RAB3C: variants seen among roughly 807,000 people sequenced by gnomAD.
RAB3C encodes ras-related protein Rab-3C.
In RAB3C, 17 loss-of-function variants were observed where a neutral mutation model predicts 26.4. The observed-to-expected ratio is 0.64, with a 90% CI of 0.44 to 0.97. The LOEUF is 0.97. RAB3C is among the 50% of genes least tolerant of loss of function. The pLI, the probability that RAB3C is intolerant of heterozygous loss-of-function variation, is 0.00. For missense variants in RAB3C, 242 were observed against 281.9 expected (o/e 0.86, Z 1.01); for synonymous variants, 91 against 95.9 (o/e 0.95, Z 0.30).
At chr5:58,613,728 A>G (rs1490651590) in intron 1 of RAB3C, among the ~76,000 whole-genome samples, 1 of 152,148 alleles carries the variant, frequency 6.6e-6, no homozygotes, top group Non-Finnish European at 1.5e-5. Context: ...GTAGGTAAAT[A>G]TCTAGAATAT....
chr5:58,812,390 C>T (rs1171144960), intron 3 of RAB3C, among the ~76,000 whole-genome samples: 1 of 152,166 alleles, frequency 6.6e-6, no homozygotes, highest in Non-Finnish European at 1.5e-5. Flanking sequence ...CCTCCTGAAT[C>T]AGATGATCTA....
intron 2 of RAB3C, among the ~76,000 whole-genome samples, chr5:58,721,215 A>G (rs1740749618): frequency 6.6e-6 from 1 of 151,094 alleles, no homozygotes; most frequent in South Asian, 2.1e-4. Flanking sequence ...TAGGAAATCA[A>G]AATATTTAAG....
At chr5:58,832,954 T>C (rs892987590) in intron 4 of RAB3C, among the ~76,000 whole-genome samples, 1 of 152,124 alleles carries the variant, frequency 6.6e-6, no homozygotes, top group Non-Finnish European at 1.5e-5. Context: ...ATTCCAGAAA[T>C]TAGGGTGTTT....
At chr5:58,760,829 C>T (rs973978976) in intron 3 of RAB3C, among the ~76,000 whole-genome samples, 1 of 152,120 alleles carries the variant, frequency 6.6e-6, no homozygotes, top group South Asian at 2.1e-4. Flanking sequence ...GTCAGGAACA[C>T]GTGTGTCTAA....
intron 3 of RAB3C, among the ~76,000 whole-genome samples, chr5:58,741,020 G>C (rs1741262306): frequency 6.6e-6 from 1 of 152,038 alleles, no homozygotes; most frequent in South Asian, 2.1e-4. Context: ...CCCCTTTTAG[G>C]TTTGATAATC....
At chr5:58,583,342 G>A (rs1016170339) in intron 1 of RAB3C, 110 bp downstream of exon 1, 2 of 1,568,102 alleles carry the variant, frequency 1.3e-6, no homozygotes, top group Non-Finnish European at 1.7e-6. Flanking sequence ...GGTCACCCGC[G>A]GAGATGCGGC....
chr5:58,676,212 C>T (rs1748222038), intron 2 of RAB3C, among the ~76,000 whole-genome samples: 2 of 152,094 alleles, frequency 1.3e-5, no homozygotes, highest in Non-Finnish European at 1.5e-5. Context: ...CTCTAAAGAA[C>T]CTATAGCTGG....
chr5:58,758,146 G>A (rs1460107573), intron 3 of RAB3C, among the ~76,000 whole-genome samples: 3 of 151,998 alleles, frequency 2.0e-5, no homozygotes, highest in African/African-American at 4.8e-5. Flanking sequence ...GGGTTTCACT[G>A]TGTTAGTCAG....
intron 3 of RAB3C, among the ~76,000 whole-genome samples, chr5:58,804,926 C>T (rs1412384478): frequency 1.3e-5 from 2 of 150,868 alleles, no homozygotes; most frequent in African/African-American, 4.9e-5. Context: ...ATCCATTGAC[C>T]TATACTGAAT....
intron 3 of RAB3C, among the ~76,000 whole-genome samples, chr5:58,795,202 T>G (rs547503932): frequency 6.6e-6 from 1 of 152,334 alleles, no homozygotes; most frequent in Non-Finnish European, 1.5e-5. Flanking sequence ...GCTCCTCCTT[T>G]GCCTTTTGCC....
intron 1 of RAB3C, among the ~76,000 whole-genome samples, chr5:58,603,239 C>G (rs185976307): frequency 8.5e-5 from 13 of 152,256 alleles, no homozygotes; most frequent in African/African-American, 2.4e-4. Context: ...TCTCACAGCT[C>G]TTAAGATTCT....
At chr5:58,823,130 A>T (rs998354628) in intron 3 of RAB3C, 1 of 418,100 alleles carries the variant, frequency 2.4e-6, no homozygotes, top group Non-Finnish European at 4.6e-6. Flanking sequence ...TGCAGATTAC[A>T]TGCATTACCT....
intron 3 of RAB3C, among the ~76,000 whole-genome samples, chr5:58,753,806 A>AG (rs1741585980): frequency 1.3e-5 from 2 of 152,218 alleles, no homozygotes; most frequent in Non-Finnish European, 2.9e-5. Flanking sequence ...TGGCTGTCTC[A>AG]GGGCAGACGG....
At chr5:58,781,699 C>A (rs999527606) in intron 3 of RAB3C, among the ~76,000 whole-genome samples, 1 of 152,010 alleles carries the variant, frequency 6.6e-6, no homozygotes, top group Non-Finnish European at 1.5e-5. Flanking sequence ...TAGGTTTAAA[C>A]CCTTAGCATG....
intron 1 of RAB3C, among the ~76,000 whole-genome samples, chr5:58,591,575 G>A (rs1746127295): frequency 7.4e-6 from 1 of 135,888 alleles, no homozygotes; most frequent in Non-Finnish European, 1.6e-5. Context: ...CTTCTTAATA[G>A]TATTTTCATA....
intron 3 of RAB3C, among the ~76,000 whole-genome samples, chr5:58,764,968 GTTA>G (rs1380981750): frequency 6.6e-6 from 1 of 151,984 alleles, no homozygotes; most frequent in African/African-American, 2.4e-5. Context: ...GCATATGATA[GTTA>G]TTATTTTCAG....
intron 3 of RAB3C, among the ~76,000 whole-genome samples, chr5:58,760,875 A>C (rs1741780467): frequency 6.6e-6 from 1 of 152,216 alleles, no homozygotes; most frequent in Non-Finnish European, 1.5e-5. Flanking sequence ...TCAAATGATT[A>C]GCACTGTAGG....
At chr5:58,814,793 GT>G (rs1743181642) in intron 3 of RAB3C, 1 of 152,146 alleles carries the variant, frequency 6.6e-6, no homozygotes, top group Admixed American at 6.6e-5. Context: ...CACACATGTG[GT>G]TTAAAAAATA....
At chr5:58,824,426 G>A (rs992229532) in intron 3 of RAB3C, among the ~76,000 whole-genome samples, 1 of 152,240 alleles carries the variant, frequency 6.6e-6, no homozygotes, top group Admixed American at 6.5e-5. Flanking sequence ...CCAGCTCATT[G>A]TATTATAATT....
Sources: gnomAD v4.1 joint callset for allele counts (sites outside exome capture counted in the v4.1 genomes callset) on GRCh38, gnomAD v4.1.1 for gene constraint, MANE v1.5 for transcripts, NCBI Gene and HGNC (gene_info 2026-07-23, HGNC 2026-07-21) for gene names.